The following CIT variants were observed in gnomAD, a reference collection of about 807,000 sequenced individuals.
CIT encodes citron Rho-interacting kinase.
In CIT, 79 loss-of-function variants were observed where a neutral mutation model predicts 272.7. That is an observed-to-expected ratio of 0.29 (90% CI 0.24 to 0.35). The LOEUF (loss-of-function observed/expected upper bound fraction) is 0.35, where lower values mean the gene tolerates loss of function less well. Ranked by LOEUF, CIT falls within the 10% of genes least tolerant of loss-of-function variation. CIT has a pLI of 1.00. For missense variants in CIT, 1,909 were observed against 2,618.3 expected (o/e 0.73, Z 5.91); for synonymous variants, 948 against 995.6 (o/e 0.95, Z 0.90).
intron 13 of CIT, among the ~76,000 whole-genome samples, chr12:119,781,585 C>T (rs1229498684): frequency 6.6e-6 from 1 of 151,416 alleles, no homozygotes; most frequent in African/African-American, 2.4e-5. Context: ...TACAGTTTTT[C>T]AAAAGACACA....
At chr12:119,736,294 TC>T (rs1958749500) in intron 24 of CIT, among the ~76,000 whole-genome samples, 1 of 152,230 alleles carries the variant, frequency 6.6e-6, no homozygotes, top group South Asian at 2.1e-4. Flanking sequence ...ATTAATTGTT[TC>T]CAATTTTCAA....
intron 2 of CIT, among the ~76,000 whole-genome samples, chr12:119,874,077 T>C (rs758770917): frequency 1.8e-4 from 27 of 152,130 alleles, no homozygotes; most frequent in Non-Finnish European, 2.9e-4. Context: ...TGTTTTGTTT[T>C]GTTTTGAGAT....
Position 119,687,239 on chromosome 12 carries a change from C to G in CIT, c.*993G>C, listed in dbSNP as rs1955629560. On this transcript the variant is annotated 3_prime_UTR_variant, in exon 48 of 48. Transcript: ENST00000392521. ...CCAAGGGGGCAGCACATGCAGTGAACTGCCATGCAGAACTCCCGACGGGCC... is the reference window on the plus strand; with the variant it reads ...CCAAGGGGGCAGCACATGCAGTGAAGTGCCATGCAGAACTCCCGACGGGCC... 6.6e-6 allele frequency: 1 copy of G among 152,570 alleles called. No homozygotes were observed. The highest frequency in any genetic ancestry group is 6.5e-5 in the Admixed American group (1 of 15,280). 9.5% of individuals were successfully genotyped at this position (152,570 alleles called of 1,614,324 possible).
Position 119,712,533 on chromosome 12 carries a change from T to G in CIT, c.4684+58A>C, listed in dbSNP as rs1013768477. 6.5e-7 allele frequency: 1 copy of G among 1,527,072 alleles called. No homozygotes were observed. Among genetic ancestry groups the G allele is most frequent in the Admixed American group, 1.7e-5 (1 of 59,688 alleles). 94.6% of individuals were successfully genotyped at this position (1,527,072 alleles called of 1,614,324 possible). A position where few individuals can be genotyped will look rare whatever the true frequency, so the allele number is the denominator to read the frequency against. ...TTCCCTGTACCACCCCTTCTGTCCC[T>G]GCTGATTGGCCAAGCCCGGCCCACC... On this transcript the variant is annotated intron_variant, in intron 36 of 47. Transcript: ENST00000392521. This position sits in a 1 kb window ranked among gnomAD's most constrained non-coding sequence, Gnocchi z 5.2.
chr12:119,718,279 T>C lies in CIT; in HGVS notation c.4134A>G (p.Pro1378=), dbSNP rs747735880. ...TTGAAGACTCCTTTCTGCGGCTGGA[T>C]GGCGGGGCCAGCAGGCTCATGGCAC... is the stretch of plus-strand genomic sequence containing the variant. ...QPSAMSLLAP[P]SSRRKESSTP... The change falls in exon 32 of 48, where the codon CCA becomes CCG. Residue 1378 remains proline, a synonymous_variant. Coordinates refer to ENST00000392521, the MANE Select transcript of CIT (RefSeq NM_001206999.2). This position sits in a 1 kb window ranked among gnomAD's most constrained non-coding sequence, Gnocchi z 4.8. 2 of 1,613,684 alleles carry C rather than the reference T, an allele frequency of 1.2e-6. No individual in the cohort carries two copies. Among genetic ancestry groups the C allele is most frequent in the South Asian group, 1.1e-5 (1 of 91,044 alleles).
At chr12:119,870,162 C>T (rs1202734837) in intron 2 of CIT, among the ~76,000 whole-genome samples, 1 of 152,294 alleles carries the variant, frequency 6.6e-6, no homozygotes, top group East Asian at 1.9e-4. Flanking sequence ...GTCTATTTCT[C>T]CTGCCTTTGA....
rs1289685635 is a variant in CIT, at chr12:119,784,410, T to A, written c.1402-359A>T. ...CCAAATCCATCTTGATCCCCCCCCA[T>A]CTCCTTGCAAAGATCTAGAGGACAA... On this transcript the variant is annotated intron_variant, in intron 11 of 47. Coordinates refer to ENST00000392521, the MANE Select transcript of CIT (RefSeq NM_001206999.2). This position sits in a 1 kb window ranked among gnomAD's most constrained non-coding sequence, Gnocchi z 4.7. 8 of 1,222,240 alleles carry A rather than the reference T, an allele frequency of 6.5e-6. No individual in the cohort carries two copies. Among genetic ancestry groups the A allele is most frequent in the East Asian group, 1.1e-4 (2 of 18,274 alleles). 75.7% of individuals were successfully genotyped at this position (1,222,240 alleles called of 1,614,324 possible).
intron 4 of CIT, among the ~76,000 whole-genome samples, chr12:119,853,894 T>G (rs1177184519): frequency 6.6e-6 from 1 of 151,760 alleles, no homozygotes; most frequent in Non-Finnish European, 1.5e-5. Flanking sequence ...ATAAATAAAA[T>G]AAGCAGTCTC....
At chr12:119,720,643 T>A in intron 29 of CIT, 58 bp from the exon 30 acceptor site, 2 of 1,304,448 alleles carry the variant, frequency 1.5e-6, no homozygotes, top group Non-Finnish European at 2.1e-6. Flanking sequence ...CTTTTAAAGT[T>A]GGTACTTTAA....
intron 37 of CIT, chr12:119,711,172 C>T (rs958436753): frequency 4.2e-5 from 50 of 1,180,806 alleles, no homozygotes; most frequent in Middle Eastern, 4.6e-4. Context: ...ACAGGTCTAA[C>T]CACTGAGTAA....
At chr12:119,843,225 A>C (rs1238023866) in intron 5 of CIT, among the ~76,000 whole-genome samples, 1 of 152,242 alleles carries the variant, frequency 6.6e-6, no homozygotes, top group Non-Finnish European at 1.5e-5. Context: ...GCTGGGGACA[A>C]GTGCAAGAAA....
chr12:119,870,892 A>C (rs1326834379), intron 2 of CIT, among the ~76,000 whole-genome samples: 8 of 151,964 alleles, frequency 5.3e-5, no homozygotes. Context: ...AGGCCGAGGC[A>C]GGCGGATCGC....
chr12:119,735,129 G>C, intron 25 of CIT, 31 bp downstream of exon 25: 7 of 1,608,022 alleles, frequency 4.4e-6, no homozygotes, highest in Non-Finnish European at 5.1e-6. Flanking sequence ...AAGTCCTCCA[G>C]GGATCTCACG....
chr12:119,865,794 C>T (rs1271548198), intron 3 of CIT, among the ~76,000 whole-genome samples: 2 of 150,082 alleles, frequency 1.3e-5, no homozygotes, highest in African/African-American at 4.9e-5. Context: ...CACTTGAACC[C>T]GGGATGCGGA....
rs1290974665 is a variant in CIT at position 119,798,723 on chromosome 12, A to AC, written c.1295+4482dup. ...CTCCAGGAAAACCAGGATGAATAAGACCCAGCCTTGCCTTGAGATCACAGT... is the reference window on the plus strand; with the variant it reads ...CTCCAGGAAAACCAGGATGAATAAGACCCCAGCCTTGCCTTGAGATCACAGT... On this transcript the variant is annotated intron_variant, in intron 10 of 47. Coordinates refer to ENST00000392521, the MANE Select transcript of CIT (RefSeq NM_001206999.2). 5.3e-5 allele frequency among the ~76,000 whole-genome samples: 8 copies of AC among 152,324 alleles called. 1 individual carries two copies. The East Asian group carries it at 1.5e-3, about 29-fold the overall frequency.
Position 119,718,237 on chromosome 12 carries a change from C to A in CIT, c.4168+8G>T. 1 of 1,605,056 alleles carries A rather than the reference C, an allele frequency of 6.2e-7. No individual in the cohort carries two copies. The highest frequency in any genetic ancestry group is 8.5e-7 in the Non-Finnish European group (1 of 1,174,954). On this transcript the variant is annotated splice_region_variant and intron_variant, in intron 32 of 47. Coordinates refer to ENST00000392521, the MANE Select transcript of CIT (RefSeq NM_001206999.2). The surrounding 1 kb of genome is among the most constrained non-coding windows in gnomAD (Gnocchi z 4.8). ...ACTAAAAGAAATTTCCATACAACTC[C>A]AACGTACCCTCTGGAGTTGAAGACT...
chr12:119,824,846 T>G (rs1392728383), intron 8 of CIT, among the ~76,000 whole-genome samples: 1 of 152,216 alleles, frequency 6.6e-6, no homozygotes, highest in African/African-American at 2.4e-5. Context: ...CCCAGGCTGC[T>G]GTAGTACAGC....
chr12:119,700,844 A>G lies in CIT; in HGVS notation c.5543-19T>C, dbSNP rs764061484. 1.2e-6 allele frequency: 2 copies of G among 1,606,686 alleles called. No individual in the cohort carries two copies. The highest frequency in any genetic ancestry group is 2.7e-5 in the African/African-American group (2 of 74,764). On this transcript the variant is annotated intron_variant, in intron 43 of 47. Coordinates refer to ENST00000392521, the MANE Select transcript of CIT (RefSeq NM_001206999.2). ...CCAAATTCTGCAAGGTGTCAAGAGC[A>G]CGTGGGCATTAGCACAGCCAAGAGC...
Position 119,784,915 on chromosome 12 carries a change from G to C in CIT, c.1401+45C>G. 6.2e-7 allele frequency: 1 copy of C among 1,608,926 alleles called. No homozygotes were observed. Among genetic ancestry groups the C allele is most frequent in the Non-Finnish European group, 8.5e-7 (1 of 1,177,428 alleles). ...CGGATCCCTTGGCATATACGGACGG[G>C]AGGATCCTGGAGCAAGGAAGGAGGC... On this transcript the variant is annotated intron_variant, in intron 11 of 47. Coordinates refer to ENST00000392521, the MANE Select transcript of CIT (RefSeq NM_001206999.2). The surrounding 1 kb of genome is among the most constrained non-coding windows in gnomAD (Gnocchi z 4.7).
Sources: allele counts gnomAD v4.1 joint callset (sites outside exome capture counted in the v4.1 genomes callset), GRCh38; gene constraint gnomAD v4.1.1; non-coding constraint Gnocchi (gnomAD v3.1); transcripts MANE v1.5; gene names NCBI Gene and HGNC (gene_info 2026-07-23, HGNC 2026-07-21).